Variants in PALD1 observed in about 807,000 individuals in gnomAD.
The protein encoded by PALD1 is phosphatase domain containing paladin 1.
Under a neutral mutation model 96.0 loss-of-function variants are expected in PALD1, and 57 were observed. The ratio of observed to expected loss-of-function variants is 0.59; its 90% CI spans 0.48 to 0.74. The LOEUF (loss-of-function observed/expected upper bound fraction) is 0.74, where lower values mean the gene tolerates loss of function less well. Among genes scored for constraint, PALD1 ranks in the 30% least tolerant of loss-of-function variants. The pLI, the probability that PALD1 is intolerant of heterozygous loss-of-function variation, is 0.00. For missense variants in PALD1, 1,063 were observed against 1,143.7 expected (o/e 0.93, Z 1.02); for synonymous variants, 464 against 473.6 (o/e 0.98, Z 0.26).
rs1210177274 is a variant in PALD1, at chr10:70,567,018, A to G, written c.*285A>G. 2 of 355,238 alleles carry G rather than the reference A, an allele frequency of 5.6e-6. No homozygotes were observed. The highest frequency in any genetic ancestry group is 5.1e-5 in the East Asian group (1 of 19,560). 22.0% of individuals were successfully genotyped at this position (355,238 alleles called of 1,614,324 possible). On this transcript the variant is annotated 3_prime_UTR_variant, in exon 20 of 20. Transcript: ENST00000263563. ...GCACACTGCTGTGTGTACCTTGCAGACAGGCCGGCGTTCAGCCTCCAAGGG... is the reference window on the plus strand; with the variant it reads ...GCACACTGCTGTGTGTACCTTGCAGGCAGGCCGGCGTTCAGCCTCCAAGGG...
chr10:70,559,837 G>A (rs1179608460), intron 18 of PALD1, among the ~76,000 whole-genome samples: 1 of 152,086 alleles, frequency 6.6e-6, no homozygotes, highest in African/African-American at 2.4e-5. Context: ...CACTTGAGCT[G>A]CTGGCATGTC....
intron 1 of PALD1, among the ~76,000 whole-genome samples, chr10:70,492,454 T>G (rs1257309010): frequency 1.2e-4 from 12 of 102,012 alleles, no homozygotes; most frequent in Admixed American, 1.1e-3. Flanking sequence ...TTGACTTTTT[T>G]TTTTTTTTTT....
rs149367653 is a variant in PALD1, at chr10:70,544,345, G to A, written c.2121+2811G>A. The stretch of plus-strand genomic sequence containing the variant: ...AGGGAAGCAGGCAGGACTGAGGGGT[G>A]GGGGCCCATATTGTGAAGGCCCTGG... On this transcript the variant is annotated intron_variant, in intron 17 of 19. Transcript: ENST00000263563. Among the ~76,000 whole-genome samples the A allele has an allele frequency of 4.1e-3, 621 of 152,266 alleles. 3 individuals are homozygous for A. Among genetic ancestry groups the A allele is most frequent in the Non-Finnish European group, 6.8e-3 (461 of 68,016 alleles).
the PALD1 span, among the ~76,000 whole-genome samples, chr10:70,459,865 C>T: frequency 6.6e-6 from 1 of 152,160 alleles, no homozygotes; most frequent in Non-Finnish European, 1.5e-5. Flanking sequence ...CCCTCATCTT[C>T]ACAGCCAGCC....
At chr10:70,511,909 C>G (rs1256048262) in intron 1 of PALD1, among the ~76,000 whole-genome samples, 1 of 152,160 alleles carries the variant, frequency 6.6e-6, no homozygotes, top group Non-Finnish European at 1.5e-5. Flanking sequence ...TGCCTGTAGT[C>G]CCAGCTACTC....
chr10:70,476,562 G>A (rs1233045216), upstream of PALD1, among the ~76,000 whole-genome samples: 1 of 152,160 alleles, frequency 6.6e-6, no homozygotes, highest in Non-Finnish European at 1.5e-5. Context: ...GCAGTCTGTG[G>A]CCTGACCCTG....
intron 1 of PALD1, among the ~76,000 whole-genome samples, chr10:70,481,118 G>A (rs892478801): frequency 3.3e-5 from 5 of 152,220 alleles, no homozygotes; most frequent in African/African-American, 1.2e-4. Context: ...CACAGACGGG[G>A]ATGGGAACCG....
At chr10:70,508,082 G>A (rs1223214096) in intron 1 of PALD1, among the ~76,000 whole-genome samples, 3 of 152,160 alleles carry the variant, frequency 2.0e-5, no homozygotes, top group Non-Finnish European at 4.4e-5. Context: ...ATGAGTGATT[G>A]GGGGGCTGGT....
intron 1 of PALD1, among the ~76,000 whole-genome samples, chr10:70,522,268 T>G (rs1200314741): frequency 6.6e-6 from 1 of 152,122 alleles, no homozygotes; most frequent in Non-Finnish European, 1.5e-5. Context: ...TTGCAGCTAG[T>G]TTTATAAGGC....
At chr10:70,495,260 C>T (rs1846172917) in intron 1 of PALD1, among the ~76,000 whole-genome samples, 2 of 152,240 alleles carry the variant, frequency 1.3e-5, no homozygotes, top group African/African-American at 4.8e-5. Context: ...TCATCTAGCT[C>T]AGCCTCTCAG....
At chr10:70,510,645 T>C (rs1846494336) in intron 1 of PALD1, among the ~76,000 whole-genome samples, 1 of 152,054 alleles carries the variant, frequency 6.6e-6, no homozygotes. Flanking sequence ...CAGGGCAGGG[T>C]CCCTCCCATC....
At chr10:70,498,349 A>AGCTC (rs1262668515) in intron 1 of PALD1, among the ~76,000 whole-genome samples, 1 of 152,144 alleles carries the variant, frequency 6.6e-6, no homozygotes. Context: ...GCATGGTCCT[A>AGCTC]GCTCACTGCA....
intron 19 of PALD1, 49 bp downstream of exon 19, chr10:70,564,568 A>G (rs1488666459): frequency 6.3e-6 from 10 of 1,579,296 alleles, no homozygotes; most frequent in Non-Finnish European, 6.9e-6. Flanking sequence ...GCTCCTGCAG[A>G]TGGAGCTGGG....
intron 18 of PALD1, among the ~76,000 whole-genome samples, chr10:70,560,938 ATG>A (rs1307270114): frequency 2.5e-5 from 2 of 79,090 alleles, no homozygotes; most frequent in Non-Finnish European, 6.4e-5. Flanking sequence ...GTGTGCTAAC[ATG>A]GGGGACGGTG....
Position 70,541,188 on chromosome 10 carries a change from G to C in PALD1, c.1995G>C (p.Gln665His). ...TCGTGTTCAGCTGCCTCAGCGGCCA[G>C]GGCCGTACCACAACTGCGATGGTGG... ...TGFVFSCLSG[Q>H]GRTTTAMVVA... The change falls in exon 16 of 20, where the codon CAG (glutamine) becomes CAC (histidine). Residue 665 changes from glutamine (Q) to histidine (H), a missense_variant. Coordinates refer to ENST00000263563, the MANE Select transcript of PALD1 (RefSeq NM_014431.3). 1.2e-6 allele frequency: 2 copies of C among 1,613,986 alleles called. No individual in the cohort carries two copies. The highest frequency in any genetic ancestry group is 3.3e-5 in the Admixed American group (2 of 59,992).
chr10:70,554,332 G>C (rs1199646639), intron 18 of PALD1, among the ~76,000 whole-genome samples: 1 of 152,204 alleles, frequency 6.6e-6, no homozygotes, highest in African/African-American at 2.4e-5. Context: ...GGGAGGCTGA[G>C]GCAGGAGAAT....
intron 1 of PALD1, among the ~76,000 whole-genome samples, chr10:70,483,297 T>G (rs1332303871): frequency 1.3e-5 from 2 of 152,170 alleles, no homozygotes; most frequent in African/African-American, 2.4e-5. Flanking sequence ...TTCCCATAAC[T>G]GGCATGTGGG....
In PALD1 at chr10:70,539,339, CA is replaced by C. The variant is rs1847187824; in HGVS notation, c.1725+93del. The C allele has an allele frequency of 7.6e-7, 1 of 1,323,256 alleles. No homozygotes were observed. Among genetic ancestry groups the C allele is most frequent in the Non-Finnish European group, 1.0e-6 (1 of 978,874 alleles). 82.0% of individuals were successfully genotyped at this position (1,323,256 alleles called of 1,614,324 possible). ...TCAGAAGGCCTCACACTCCCGCAGA[CA>C]GATGGAGAATCTGAGGCCCCGGGAG... On this transcript the variant is annotated intron_variant, in intron 14 of 19. Coordinates refer to ENST00000263563, the MANE Select transcript of PALD1 (RefSeq NM_014431.3). This position sits in a 1 kb window ranked among gnomAD's most constrained non-coding sequence, Gnocchi z 4.5.
chr10:70,478,518 G>C (rs374935749), upstream of PALD1, among the ~76,000 whole-genome samples: 33 of 152,322 alleles, frequency 2.2e-4, no homozygotes, highest in African/African-American at 7.2e-4. Context: ...CACTAGCGAC[G>C]AGGGAAGAGG....
Sources: gnomAD v4.1 joint callset for allele counts (sites outside exome capture counted in the v4.1 genomes callset) on GRCh38, gnomAD v4.1.1 for gene constraint, Gnocchi (gnomAD v3.1) non-coding constraint, MANE v1.5 for transcripts, NCBI Gene and HGNC (gene_info 2026-07-23, HGNC 2026-07-21) for gene names.